The following SIL1 variants were observed in gnomAD, a reference collection of about 807,000 sequenced individuals.
SIL1 encodes SIL1 nucleotide exchange factor, also known as nucleotide exchange factor SIL1.
Under a neutral mutation model 49.1 loss-of-function variants are expected in SIL1, and 40 were observed. The ratio of observed to expected loss-of-function variants is 0.81; its 90% CI spans 0.63 to 1.06. The LOEUF is 1.06. Among genes scored for constraint, SIL1 ranks in the 50% least tolerant of loss-of-function variants. SIL1 has a pLI of 0.00. For missense variants in SIL1, 500 were observed against 572.6 expected (o/e 0.87, Z 1.29); for synonymous variants, 253 against 250.8 (o/e 1.01, Z -0.08).
intron 4 of SIL1, among the ~76,000 whole-genome samples, chr5:139,045,364 C>A (rs1050528679): frequency 1.2e-4 from 18 of 151,602 alleles, no homozygotes; most frequent in African/African-American, 3.4e-4. Flanking sequence ...AACAAACAAA[C>A]AAAAAAAACC....
At chr5:139,077,916 T>G (rs1265096226) in intron 3 of SIL1, among the ~76,000 whole-genome samples, 1 of 152,192 alleles carries the variant, frequency 6.6e-6, no homozygotes, top group Non-Finnish European at 1.5e-5. Flanking sequence ...TACATGATTG[T>G]GCTTCCTCAT....
chr5:138,978,321 T>C (rs572524233), intron 7 of SIL1, among the ~76,000 whole-genome samples: 1 of 152,324 alleles, frequency 6.6e-6, no homozygotes, highest in Non-Finnish European at 1.5e-5. Flanking sequence ...GACTAGCTTT[T>C]TTCACTCTGA....
At chr5:139,197,485 T>C (rs775038115) in intron 1 of SIL1, among the ~76,000 whole-genome samples, 10 of 152,132 alleles carry the variant, frequency 6.6e-5, no homozygotes, top group Admixed American at 3.3e-4. Context: ...AAACTGATCT[T>C]ACATATATAG....
intron 5 of SIL1, among the ~76,000 whole-genome samples, chr5:139,034,089 T>C (rs775172975): frequency 2.0e-5 from 3 of 152,194 alleles, no homozygotes; most frequent in Non-Finnish European, 4.4e-5. Flanking sequence ...TTGTTCCTAA[T>C]AATTTCCTTT....
At chr5:139,156,920 C>T (rs1751417140) in intron 1 of SIL1, among the ~76,000 whole-genome samples, 1 of 152,220 alleles carries the variant, frequency 6.6e-6, no homozygotes, top group Non-Finnish European at 1.5e-5. Context: ...ACACACCCAG[C>T]TAGCCAGACT....
At chr5:139,092,975 C>A (rs10479199) in intron 3 of SIL1, among the ~76,000 whole-genome samples, 1 of 152,014 alleles carries the variant, frequency 6.6e-6, no homozygotes, top group Non-Finnish European at 1.5e-5. Context: ...GGTAAGTTTT[C>A]GCAAGAGTAG....
intron 3 of SIL1, among the ~76,000 whole-genome samples, chr5:139,065,745 G>T (rs929498098): frequency 1.3e-4 from 20 of 152,116 alleles, no homozygotes; most frequent in Admixed American, 8.5e-4. Flanking sequence ...CAACTAATGG[G>T]AACTCTGTGC....
At chr5:139,134,433 GC>G (rs755057722) in intron 1 of SIL1, among the ~76,000 whole-genome samples, 9 of 152,106 alleles carry the variant, frequency 5.9e-5, no homozygotes, top group Non-Finnish European at 1.2e-4. Flanking sequence ...TCGGTGCCCG[GC>G]CCACTCCATC....
rs1181872849 is a variant in SIL1, at chr5:138,948,058, G to A, written c.1030-585C>T. 1.3e-5 allele frequency among the ~76,000 whole-genome samples: 2 copies of A among 152,202 alleles called. No individual in the cohort carries two copies. Among genetic ancestry groups the A allele is most frequent in the African/African-American group, 2.4e-5 (1 of 41,456 alleles). ...AAGGTCAGAGGTAGAGGGTTGGGAG[G>A]GGGCAGAGATCTCCCGTGCAGCTGT... On this transcript the variant is annotated intron_variant, in intron 9 of 9. Transcript: ENST00000394817. This position sits in a 1 kb window ranked among gnomAD's most constrained non-coding sequence, Gnocchi z 4.8.
chr5:138,986,535 T>C lies in SIL1; in HGVS notation c.767+34636A>G, dbSNP rs565856856. Among the ~76,000 whole-genome samples, 7 of 152,358 alleles carry C rather than the reference T, an allele frequency of 4.6e-5. No individual in the cohort carries two copies. The South Asian group carries it at 1.0e-3, about 23-fold the overall frequency. ...AATCCATTTTAATAGAGGATAAATCTGGGTTATTGTGACCCTTTCCTCTCC... is the reference window on the plus strand; with the variant it reads ...AATCCATTTTAATAGAGGATAAATCCGGGTTATTGTGACCCTTTCCTCTCC... On this transcript the variant is annotated intron_variant, in intron 7 of 9. Transcript: ENST00000394817.
At chr5:139,123,265 G>A (rs1317145911) in intron 2 of SIL1, among the ~76,000 whole-genome samples, 1 of 152,212 alleles carries the variant, frequency 6.6e-6, no homozygotes, top group East Asian at 1.9e-4. Flanking sequence ...GTGCTTATGA[G>A]ACTACAGAGA....
intron 4 of SIL1, among the ~76,000 whole-genome samples, chr5:139,044,112 A>T (rs756959531): frequency 6.6e-5 from 10 of 152,204 alleles, no homozygotes; most frequent in African/African-American, 9.7e-5. Context: ...AATTAATAAT[A>T]GCTAGTAACT....
At chr5:139,048,853 G>A (rs554853841) in intron 4 of SIL1, among the ~76,000 whole-genome samples, 1 of 152,332 alleles carries the variant, frequency 6.6e-6, no homozygotes, top group East Asian at 1.9e-4. Context: ...TTACATGGTT[G>A]TTAGAAAGGA....
chr5:139,031,210 A>C (rs1768785881), intron 5 of SIL1, among the ~76,000 whole-genome samples: 1 of 152,144 alleles, frequency 6.6e-6, no homozygotes, highest in Non-Finnish European at 1.5e-5. Flanking sequence ...CCTAGTTCCC[A>C]AAGATGTTCT....
intron 1 of SIL1, among the ~76,000 whole-genome samples, chr5:139,160,188 A>G (rs1042718396): frequency 7.3e-6 from 1 of 136,892 alleles, no homozygotes; most frequent in South Asian, 2.4e-4. Context: ...CACACACACA[A>G]AAGTTATAGC....
rs189752501 is a variant in SIL1, at chr5:139,086,951, C to A, written c.244+34084G>T. ...CTCCAGCCTGGGCAACAGAGTGAGA[C>A]TCCATTTGAAAAAGATAATAATAAT... is the stretch of plus-strand genomic sequence containing the variant. On this transcript the variant is annotated intron_variant, in intron 3 of 9. Coordinates refer to ENST00000394817, the MANE Select transcript of SIL1 (RefSeq NM_022464.5). Among the ~76,000 whole-genome samples, 25 of 151,676 alleles carry A rather than the reference C, an allele frequency of 1.6e-4. 1 individual carries two copies. The highest frequency in any genetic ancestry group is 1.4e-3 in the Admixed American group (21 of 15,256).
intron 7 of SIL1, among the ~76,000 whole-genome samples, chr5:138,993,020 C>T (rs1034126528): frequency 2.1e-4 from 32 of 152,186 alleles, no homozygotes; most frequent in African/African-American, 7.7e-4. Flanking sequence ...AATCTGTTCT[C>T]CCATTCTTCC....
In SIL1 at chr5:139,056,422, C is replaced by A. The variant is rs1459519514; in HGVS notation, c.245-5376G>T. 3.3e-5 allele frequency among the ~76,000 whole-genome samples: 5 copies of A among 149,644 alleles called. 1 individual carries two copies. Among genetic ancestry groups the A allele is most frequent in the Non-Finnish European group, 7.4e-5 (5 of 67,368 alleles). On this transcript the variant is annotated intron_variant, in intron 3 of 9. Transcript: ENST00000394817. ...ACCACCCCGACTGAGAAGTGAGGAG[C>A]CCCTCCGCCCGGCAGCCACCCCGTC...
In SIL1 at chr5:139,161,830, T is replaced by C. The variant is rs1009106399; in HGVS notation, c.-10-33977A>G. Among the ~76,000 whole-genome samples the C allele has an allele frequency of 4.6e-5, 7 of 151,804 alleles. No homozygotes were observed. In the South Asian group the frequency reaches 1.3e-3, roughly 27 times the overall value. On this transcript the variant is annotated intron_variant, in intron 1 of 9. Coordinates refer to ENST00000394817, the MANE Select transcript of SIL1 (RefSeq NM_022464.5). ...GAGTTTGAGACCAGACTGGGCAACA[T>C]GGCAAAACCCCATCTCTACTAAAAA...
Sources: gnomAD v4.1 joint callset for allele counts (sites outside exome capture counted in the v4.1 genomes callset) on GRCh38, gnomAD v4.1.1 for gene constraint, Gnocchi (gnomAD v3.1) non-coding constraint, MANE v1.5 for transcripts, NCBI Gene and HGNC (gene_info 2026-07-23, HGNC 2026-07-21) for gene names.